Variants in EYS observed in about 807,000 individuals in gnomAD.
The protein encoded by EYS is EGF-like photoreceptor maintenance factor, also known as protein eyes shut homolog.
EYS carries 250 observed loss-of-function variants against 282.1 expected under a neutral mutation model. That is an observed-to-expected ratio of 0.89 (90% CI 0.80 to 0.98). The LOEUF is 0.98. EYS is among the 50% of genes least tolerant of loss of function. The pLI, the probability that EYS is intolerant of heterozygous loss-of-function variation, is 0.00. For synonymous variants in EYS, 1,355 were observed against 1,282.9 expected (o/e 1.06, Z -1.20); for missense variants, 4,016 against 3,709.0 (o/e 1.08, Z -2.15).
rs954945771 is a variant in EYS, at chr6:64,590,412, A to C, written c.5455T>G (p.Tyr1819Asp). Residue 1819 changes from tyrosine (Y) to aspartate (D), a missense_variant, in exon 26 of 43, where the codon TAT becomes GAT. Transcript: ENST00000503581. ...AGAGAGGTCATATAATCTGTAAAAT[A>C]TGGCCAATCTGGCCTAATTACAGAC... is the stretch of plus-strand genomic sequence containing the variant. ...SMSVIRPDWP[Y>D]FTDYMTSLKK... The C allele has an allele frequency of 6.4e-6, 10 of 1,551,300 alleles. No individual in the cohort carries two copies. The African/African-American group carries it at 1.2e-4, about 19-fold the overall frequency.
intron 28 of EYS, among the ~76,000 whole-genome samples, chr6:64,421,829 A>G (rs1774241453): frequency 6.6e-6 from 1 of 151,200 alleles, no homozygotes. Flanking sequence ...AGAGAGAGCG[A>G]GAGAGAGAGA....
chr6:64,793,929 A>G (rs1774267870), intron 22 of EYS, among the ~76,000 whole-genome samples: 1 of 152,184 alleles, frequency 6.6e-6, no homozygotes, highest in African/African-American at 2.4e-5. Flanking sequence ...ACAATGTTTC[A>G]GGATCTCTAG....
intron 31 of EYS, among the ~76,000 whole-genome samples, chr6:64,125,923 T>G (rs1418506542): frequency 1.1e-4 from 16 of 152,006 alleles, no homozygotes. Flanking sequence ...CTTCTTTTTT[T>G]TTTTTTTATT....
chr6:63,787,563 G>A (rs1770397634), intron 39 of EYS, among the ~76,000 whole-genome samples: 1 of 152,128 alleles, frequency 6.6e-6, no homozygotes, highest in Admixed American at 6.5e-5. Flanking sequence ...TACATTTAGT[G>A]TTTATCTCTC....
At chr6:64,422,315 G>C (rs2150452665) in intron 28 of EYS, among the ~76,000 whole-genome samples, 1 of 152,216 alleles carries the variant, frequency 6.6e-6, no homozygotes, top group South Asian at 2.1e-4. Context: ...AAATAAGTGT[G>C]GGGCATCTGT....
At chr6:64,589,792 G>T (rs1261644688) in intron 26 of EYS, among the ~76,000 whole-genome samples, 1 of 151,954 alleles carries the variant, frequency 6.6e-6, no homozygotes, top group African/African-American at 2.4e-5. Flanking sequence ...GAAATCTCAA[G>T]AAAGTTCCAG....
chr6:63,824,640 G>T (rs1034285714), intron 36 of EYS, among the ~76,000 whole-genome samples: 2 of 152,198 alleles, frequency 1.3e-5, no homozygotes, highest in Non-Finnish European at 2.9e-5. Context: ...TGGAGAAGCT[G>T]AAGGTCCAGG....
At chr6:65,519,996 T>C (rs1313172545) in intron 2 of EYS, among the ~76,000 whole-genome samples, 1 of 150,360 alleles carries the variant, frequency 6.7e-6, no homozygotes, top group Non-Finnish European at 1.5e-5. Flanking sequence ...TTTTACTCTT[T>C]ATAGATTAAT....
chr6:65,680,850 T>C (rs1582596270), intron 1 of EYS, among the ~76,000 whole-genome samples: 2 of 152,090 alleles, frequency 1.3e-5, no homozygotes, highest in South Asian at 2.1e-4. Context: ...ACACTCTACC[T>C]CGATGTAGCA....
At chr6:64,403,466 C>A (rs1362999285) in intron 28 of EYS, among the ~76,000 whole-genome samples, 1 of 152,062 alleles carries the variant, frequency 6.6e-6, no homozygotes, top group Non-Finnish European at 1.5e-5. Flanking sequence ...AAGCAATTCT[C>A]CTGCCTCAGC....
chr6:64,934,173 T>A (rs1486517290), intron 15 of EYS, among the ~76,000 whole-genome samples: 2 of 151,462 alleles, frequency 1.3e-5, no homozygotes, highest in African/African-American at 4.8e-5. Flanking sequence ...AAATAATTAC[T>A]AACTGAGCAA....
At chr6:64,023,004 C>T (rs1187390443) in intron 33 of EYS, among the ~76,000 whole-genome samples, 1 of 152,156 alleles carries the variant, frequency 6.6e-6, no homozygotes, top group African/African-American at 2.4e-5. Flanking sequence ...TGCAATAATT[C>T]CCCATTCTGC....
intron 19 of EYS, among the ~76,000 whole-genome samples, chr6:64,825,695 T>G (rs1765034315): frequency 6.6e-6 from 1 of 151,744 alleles, no homozygotes; most frequent in Non-Finnish European, 1.5e-5. Context: ...GGGGAAATAT[T>G]TAATGGGACC....
At chr6:64,600,447 T>C (rs1766729293) in intron 24 of EYS, among the ~76,000 whole-genome samples, 2 of 152,074 alleles carry the variant, frequency 1.3e-5, no homozygotes, top group Admixed American at 1.3e-4. Flanking sequence ...CTAGTAATAA[T>C]CAAATATCAA....
chr6:63,919,409 A>G (rs1764509389), intron 35 of EYS, among the ~76,000 whole-genome samples: 2 of 151,294 alleles, frequency 1.3e-5, no homozygotes, highest in East Asian at 3.9e-4. Flanking sequence ...ACTGAAAAAA[A>G]AAAATCCCAA....
intron 12 of EYS, among the ~76,000 whole-genome samples, chr6:65,257,911 A>T (rs1767513953): frequency 1.3e-5 from 2 of 151,966 alleles, no homozygotes; most frequent in Admixed American, 6.6e-5. Context: ...GTTAAAATGA[A>T]AAAGATCTAG....
At chr6:63,830,439 C>T (rs898242547) in intron 36 of EYS, among the ~76,000 whole-genome samples, 2 of 151,982 alleles carry the variant, frequency 1.3e-5, no homozygotes, top group Non-Finnish European at 2.9e-5. Flanking sequence ...GCCTCAGTAG[C>T]CAATTTGATC....
chr6:64,527,131 A>G (rs560653548), intron 26 of EYS, among the ~76,000 whole-genome samples: 4 of 151,966 alleles, frequency 2.6e-5, no homozygotes, highest in African/African-American at 9.6e-5. Flanking sequence ...AAAGGAAATA[A>G]CTACAACAAG....
intron 28 of EYS, among the ~76,000 whole-genome samples, chr6:64,405,850 C>T (rs1474983796): frequency 6.6e-6 from 1 of 152,140 alleles, no homozygotes; most frequent in African/African-American, 2.4e-5. Context: ...GAAAAACATT[C>T]CATGCTCAGG....
Sources: allele counts gnomAD v4.1 joint callset (sites outside exome capture counted in the v4.1 genomes callset), GRCh38; gene constraint gnomAD v4.1.1; transcripts MANE v1.5; gene names NCBI Gene and HGNC (gene_info 2026-07-23, HGNC 2026-07-21).